The following STXBP4 variants were observed in gnomAD, a reference collection of about 807,000 sequenced individuals.
The protein encoded by STXBP4 is syntaxin binding protein 4.
In STXBP4, 55 loss-of-function variants were observed where a neutral mutation model predicts 76.1. The observed-to-expected ratio is 0.72, with a 90% CI of 0.58 to 0.91. The LOEUF (loss-of-function observed/expected upper bound fraction) is 0.91, where lower values mean the gene tolerates loss of function less well. Among genes scored for constraint, STXBP4 ranks in the 40% least tolerant of loss-of-function variants. The pLI, the probability that STXBP4 is intolerant of heterozygous loss-of-function variation, is 0.00. For synonymous variants in STXBP4, 201 were observed against 220.2 expected, an observed-to-expected ratio of 0.91 and a Z score of 0.77; for missense variants, 618 against 636.9, an observed-to-expected ratio of 0.97 and a Z score of 0.32.
At chr17:55,148,534 C>CTT (rs879297990) in intron 17 of STXBP4, among the ~76,000 whole-genome samples, 1 of 144,832 alleles carries the variant, frequency 6.9e-6, no homozygotes, top group Non-Finnish European at 1.5e-5. Context: ...ATTATTTTAG[C>CTT]TTTTTTTTTT....
intron 16 of STXBP4, among the ~76,000 whole-genome samples, chr17:55,128,145 G>T (rs1197786085): frequency 6.6e-6 from 1 of 152,174 alleles, no homozygotes; most frequent in Admixed American, 6.5e-5. Context: ...CAGTCTTCAT[G>T]GGAGGCAAAT....
intron 16 of STXBP4, among the ~76,000 whole-genome samples, chr17:55,121,691 G>A (rs926515235): frequency 3.9e-5 from 6 of 152,098 alleles, no homozygotes; most frequent in African/African-American, 1.4e-4. Flanking sequence ...AAGTCAGACA[G>A]TTGCCCTCTC....
At chr17:55,078,847 A>T in intron 15 of STXBP4, 112 bp downstream of exon 15, 1 of 664,020 alleles carries the variant, frequency 1.5e-6, no homozygotes, top group South Asian at 1.9e-5. Flanking sequence ...GTGCTACATA[A>T]CTCCCATTGG....
chr17:55,180,314 GA>G, the STXBP4 span, among the ~76,000 whole-genome samples: 1 of 152,184 alleles, frequency 6.6e-6, no homozygotes, highest in African/African-American at 2.4e-5. Flanking sequence ...GGGGACAACT[GA>G]AAGATGCCAT....
rs577527162 is a variant in STXBP4, at chr17:55,041,152, G to A, written c.856-2084G>A. Among the ~76,000 whole-genome samples, 44 of 150,274 alleles carry A rather than the reference G, an allele frequency of 2.9e-4. 1 individual carries two copies. Among genetic ancestry groups the A allele is most frequent in the Middle Eastern group, 6.9e-3 (2 of 290 alleles). On this transcript the variant is annotated intron_variant, in intron 10 of 17. Coordinates refer to ENST00000376352, the MANE Select transcript of STXBP4 (RefSeq NM_178509.6). ...ATGGTGTTAAGTTCAAAAGTTTATT[G>A]TCACATCCCTAAAATCCCAATCCTA...
intron 16 of STXBP4, among the ~76,000 whole-genome samples, chr17:55,139,316 C>T (rs1240793402): frequency 2.6e-5 from 4 of 152,052 alleles, no homozygotes; most frequent in South Asian, 2.1e-4. Context: ...TTTATTAGAA[C>T]GTATCTGTGA....
At chr17:55,090,953 T>A (rs1273192035) in intron 16 of STXBP4, among the ~76,000 whole-genome samples, 3 of 151,352 alleles carry the variant, frequency 2.0e-5, no homozygotes. Context: ...GAAACTATCA[T>A]GATAAGTAGG....
chr17:54,968,867 G>T (rs1311483528), intron 1 of STXBP4, 52 bp downstream of exon 1: 13 of 540,654 alleles, frequency 2.4e-5, no homozygotes, highest in Non-Finnish European at 4.3e-5. Context: ...CTTCTCGCCA[G>T]AACGTCTCTT....
chr17:55,014,201 C>T (rs540955816), intron 8 of STXBP4, among the ~76,000 whole-genome samples: 1 of 152,156 alleles, frequency 6.6e-6, no homozygotes, highest in Non-Finnish European at 1.5e-5. Context: ...AGGCAGAATC[C>T]TTTAGTTTAA....
chr17:54,990,766 G>A (rs2077702423), intron 3 of STXBP4, 59 bp from the exon 4 acceptor site: 3 of 1,512,696 alleles, frequency 2.0e-6, no homozygotes, highest in Non-Finnish European at 1.8e-6. Flanking sequence ...GTAGTTTAAA[G>A]AAAAAAATAG....
At chr17:55,059,461 T>C (rs1269829688) in intron 12 of STXBP4, among the ~76,000 whole-genome samples, 12 of 152,058 alleles carry the variant, frequency 7.9e-5, no homozygotes, top group Non-Finnish European at 1.8e-4. Flanking sequence ...TCTTGTTTTG[T>C]GAAAAAATAG....
intron 9 of STXBP4, among the ~76,000 whole-genome samples, chr17:55,033,126 C>A (rs1200117595): frequency 1.3e-5 from 2 of 152,142 alleles, no homozygotes; most frequent in African/African-American, 4.8e-5. Flanking sequence ...GTAATCCCAG[C>A]ACTTTAGGAG....
At chr17:55,193,493 G>T in the STXBP4 span, among the ~76,000 whole-genome samples, 1 of 152,188 alleles carries the variant, frequency 6.6e-6, no homozygotes, top group Non-Finnish European at 1.5e-5. Flanking sequence ...TGAAAACAAA[G>T]GAGAAGCTTG....
chr17:54,981,158 C>T (rs1194632860), intron 1 of STXBP4, among the ~76,000 whole-genome samples: 1 of 87,350 alleles, frequency 1.1e-5, no homozygotes, highest in Non-Finnish European at 2.2e-5. Flanking sequence ...TCATAGATAA[C>T]AATACTTCTT....
intron 16 of STXBP4, among the ~76,000 whole-genome samples, chr17:55,083,439 T>A (rs1375639114): frequency 2.0e-5 from 3 of 152,220 alleles, no homozygotes; most frequent in Admixed American, 2.0e-4. Flanking sequence ...GAATTGTGGT[T>A]GAACTATGTA....
intron 16 of STXBP4, among the ~76,000 whole-genome samples, chr17:55,084,585 G>C (rs2079299750): frequency 6.6e-6 from 1 of 151,048 alleles, no homozygotes; most frequent in Non-Finnish European, 1.5e-5. Flanking sequence ...GTAATGCCTA[G>C]GTTTTCTTCT....
chr17:55,093,056 G>A (rs548174278), intron 16 of STXBP4, among the ~76,000 whole-genome samples: 9 of 151,834 alleles, frequency 5.9e-5, no homozygotes, highest in Non-Finnish European at 8.8e-5. Flanking sequence ...GTGCAGTGGC[G>A]CAATCTCGGC....
chr17:55,006,791 C>T (rs1316753965), intron 7 of STXBP4, among the ~76,000 whole-genome samples: 1 of 152,142 alleles, frequency 6.6e-6, no homozygotes, highest in African/African-American at 2.4e-5. Context: ...AAATGACTTG[C>T]ATTTATGGTT....
intron 8 of STXBP4, among the ~76,000 whole-genome samples, chr17:55,030,072 G>A (rs527492019): frequency 3.3e-5 from 5 of 152,122 alleles, no homozygotes; most frequent in East Asian, 1.9e-4. Context: ...GTCCCTTTGT[G>A]TTAGTTAAGA....
Sources: gnomAD v4.1 joint callset for allele counts (sites outside exome capture counted in the v4.1 genomes callset) on GRCh38, gnomAD v4.1.1 for gene constraint, MANE v1.5 for transcripts, NCBI Gene and HGNC (gene_info 2026-07-23, HGNC 2026-07-21) for gene names.